The following PLD5 variants were observed in gnomAD, a reference collection of about 807,000 sequenced individuals.
The protein encoded by PLD5 is phospholipase D family member 5.
Under a neutral mutation model 61.1 loss-of-function variants are expected in PLD5, and 36 were observed. The ratio of observed to expected loss-of-function variants is 0.59; its 90% CI spans 0.45 to 0.78. The LOEUF (loss-of-function observed/expected upper bound fraction) is 0.78. Ranked by LOEUF, PLD5 falls within the 30% of genes least tolerant of loss-of-function variation. The pLI is 0.00. For missense variants in PLD5, 515 were observed against 644.4 expected, an observed-to-expected ratio of 0.80 and a Z score of 2.17; for synonymous variants, 243 against 242.8, an observed-to-expected ratio of 1.00 and a Z score of -0.01.
chr1:242,493,214 G>T (rs1668226616), intron 1 of PLD5, among the ~76,000 whole-genome samples: 1 of 152,114 alleles, frequency 6.6e-6, no homozygotes, highest in African/African-American at 2.4e-5. Context: ...TACACATAGG[G>T]ACCTTGGTCA....
At chr1:242,498,155 G>C (rs990329652) in intron 1 of PLD5, among the ~76,000 whole-genome samples, 2 of 152,102 alleles carry the variant, frequency 1.3e-5, no homozygotes, top group Admixed American at 1.3e-4. Flanking sequence ...AGTAGAGACA[G>C]GGTTTCACCA....
Position 242,089,852 on chromosome 1 carries a change from T to A in PLD5, c.*2A>T, listed in dbSNP as rs918995003. ...AGCTGTCCTGTCAGTTTCTTCATCA[T>A]GTTATACGTTCCGGGGATCCTTTCC... On this transcript the variant is annotated 3_prime_UTR_variant, in exon 10 of 10. Transcript: ENST00000536534. 7 of 1,614,250 alleles carry A rather than the reference T, an allele frequency of 4.3e-6. No individual in the cohort carries two copies. The East Asian group carries it at 1.6e-4, about 36-fold the overall frequency.
rs140156384 is a variant in PLD5 at position 242,303,047 on chromosome 1, C to T, written c.327-14517G>A. On this transcript the variant is annotated intron_variant, in intron 2 of 9. Transcript: ENST00000536534. ...CTGTGATGAACTCAGCGCCTTAGAC[C>T]GCTCGGCCATCCTGACACACCAGAA... Among the ~76,000 whole-genome samples, 8 of 152,202 alleles carry T rather than the reference C, an allele frequency of 5.3e-5. 1 individual carries two copies. Among genetic ancestry groups the T allele is most frequent in the South Asian group, 2.1e-4 (1 of 4,822 alleles).
At chr1:242,307,675 C>T (rs113358757) in intron 2 of PLD5, among the ~76,000 whole-genome samples, 3,220 of 147,992 alleles carry the variant, frequency 0.022, 52 homozygotes, top group Middle Eastern at 0.037. Context: ...TCAAAACCAG[C>T]CCTGGTATGG....
At chr1:242,263,115 C>T (rs2653197) in intron 4 of PLD5, among the ~76,000 whole-genome samples, 1 of 152,148 alleles carries the variant, frequency 6.6e-6, no homozygotes, top group Admixed American at 6.5e-5. Flanking sequence ...AGGGCCTTGG[C>T]CAGCTGTCTC....
chr1:242,255,213 G>A (rs1672946869), intron 4 of PLD5, among the ~76,000 whole-genome samples: 2 of 151,846 alleles, frequency 1.3e-5, no homozygotes, highest in African/African-American at 2.4e-5. Flanking sequence ...CTTAACGATG[G>A]CAACCTTTCA....
chr1:242,446,964 CTTCAGAAAGCACAGAACTCTGTGTGCCT>C (rs1666568212), intron 1 of PLD5, among the ~76,000 whole-genome samples: 5 of 152,280 alleles, frequency 3.3e-5, no homozygotes, highest in Admixed American at 2.6e-4. Context: ...GCTGTGTGCC[CTTCAGAAAGCACAGAACTCTGTGTGCCT>C]TTCCTCAATG....
chr1:242,356,520 CTA>C (rs1359046104), intron 1 of PLD5, among the ~76,000 whole-genome samples: 9 of 152,086 alleles, frequency 5.9e-5, no homozygotes, highest in Non-Finnish European at 1.2e-4. Context: ...ATTCATCACT[CTA>C]TGTCTTTTGA....
At chr1:242,510,239 G>A (rs1572268294) in intron 1 of PLD5, among the ~76,000 whole-genome samples, 1 of 150,360 alleles carries the variant, frequency 6.7e-6, no homozygotes, top group South Asian at 2.1e-4. Context: ...ACAAAAAAAG[G>A]TCGGAAAATA....
At chr1:242,522,916 C>T (rs944822056) in intron 1 of PLD5, among the ~76,000 whole-genome samples, 1 of 152,180 alleles carries the variant, frequency 6.6e-6, no homozygotes, top group African/African-American at 2.4e-5. Context: ...TCAGTGACTT[C>T]ATCAGGCCCT....
chr1:242,226,219 T>C (rs1021663695), intron 4 of PLD5, among the ~76,000 whole-genome samples: 7 of 152,200 alleles, frequency 4.6e-5, no homozygotes, highest in African/African-American at 1.4e-4. Flanking sequence ...AAAAAAAATA[T>C]GTGTCAGTTT....
Position 242,348,262 on chromosome 1 carries a change from C to T in PLD5, c.190-20G>A, listed in dbSNP as rs112794932. On this transcript the variant is annotated intron_variant, in intron 1 of 9. Transcript: ENST00000536534. ...CTGGGACTGAAAGAGGAAACAAAGA[C>T]AAAGAAAAGTAAGTGGTGCTGCTTT... is the stretch of plus-strand genomic sequence containing the variant. 4 of 604,692 alleles carry T rather than the reference C, an allele frequency of 6.6e-6. No homozygotes were observed. The highest frequency in any genetic ancestry group is 3.3e-5 in the Admixed American group (1 of 30,238). The allele number at this position is 604,692 out of a possible 1,614,324, so 37.5% of individuals were successfully genotyped here.
intron 9 of PLD5, among the ~76,000 whole-genome samples, chr1:242,096,856 T>C (rs1008239845): frequency 6.6e-6 from 1 of 152,130 alleles, no homozygotes; most frequent in African/African-American, 2.4e-5. Flanking sequence ...AACTCATCAT[T>C]TAACATTAGG....
intron 2 of PLD5, among the ~76,000 whole-genome samples, chr1:242,315,480 C>T (rs1328114830): frequency 2.0e-5 from 3 of 152,074 alleles, no homozygotes; most frequent in Non-Finnish European, 4.4e-5. Flanking sequence ...GCCCTTCTAC[C>T]CTTCAGGCTT....
At chr1:242,449,219 TA>T in intron 1 of PLD5, 20 of 1,127,580 alleles carry the variant, frequency 1.8e-5, no homozygotes, top group Non-Finnish European at 2.4e-5. Flanking sequence ...GCCCTTCTCA[TA>T]AAAAAAGGAC....
rs149273837 is a variant in PLD5 at position 242,172,381 on chromosome 1, T to G, written c.735+47607A>C. On this transcript the variant is annotated intron_variant, in intron 5 of 9. Coordinates refer to ENST00000536534, the MANE Select transcript of PLD5 (RefSeq NM_001372062.1). Reference sequence around the variant, plus strand: ...TCTCTGGGACACACTGAAAGTGGTGTGTAGAGGGAAACTGATAGCACTAAA... The same window carrying G: ...TCTCTGGGACACACTGAAAGTGGTGGGTAGAGGGAAACTGATAGCACTAAA... 5.8e-4 allele frequency among the ~76,000 whole-genome samples: 88 copies of G among 152,268 alleles called. 1 individual carries two copies. The highest frequency in any genetic ancestry group is 2.1e-3 in the African/African-American group (88 of 41,550).
chr1:242,262,802 G>A (rs1673447105), intron 4 of PLD5, among the ~76,000 whole-genome samples: 1 of 152,104 alleles, frequency 6.6e-6, no homozygotes, highest in Admixed American at 6.6e-5. Context: ...AAGCATGTGA[G>A]CTGAGTCAAC....
chr1:242,272,835 G>GAATTAA (rs1674180463), intron 3 of PLD5, among the ~76,000 whole-genome samples: 1 of 151,950 alleles, frequency 6.6e-6, no homozygotes, highest in South Asian at 2.1e-4. Flanking sequence ...CATGGTAGAG[G>GAATTAA]CATAAGAATG....
At chr1:242,148,994 T>C (rs1484652822) in intron 5 of PLD5, among the ~76,000 whole-genome samples, 1 of 151,450 alleles carries the variant, frequency 6.6e-6, no homozygotes, top group Admixed American at 6.6e-5. Context: ...TCCAAGTCTA[T>C]GCCTTTTATT....
Sources: allele counts gnomAD v4.1 joint callset (sites outside exome capture counted in the v4.1 genomes callset), GRCh38; gene constraint gnomAD v4.1.1; transcripts MANE v1.5; gene names NCBI Gene and HGNC (gene_info 2026-07-23, HGNC 2026-07-21).